The following PCDHA9 variants were observed in gnomAD, a reference collection of about 807,000 sequenced individuals.
The protein encoded by PCDHA9 is protocadherin alpha 9.
In PCDHA9, 62 loss-of-function variants were observed where a neutral mutation model predicts 62.0. The ratio of observed to expected loss-of-function variants is 1.00; its 90% CI spans 0.81 to 1.23. The LOEUF (loss-of-function observed/expected upper bound fraction) is 1.23, where lower values mean the gene tolerates loss of function less well. Ranked by LOEUF, PCDHA9 falls within the 50% of genes most tolerant of loss-of-function variation. PCDHA9 has a pLI of 0.00. For missense variants in PCDHA9, 1,205 were observed against 1,249.8 expected, an observed-to-expected ratio of 0.96 and a Z score of 0.54; for synonymous variants, 557 against 567.6, an observed-to-expected ratio of 0.98 and a Z score of 0.27.
At chr5:140,882,262 G>GTGTA (rs781901698) in intron 1 of PCDHA9, 2 of 1,605,126 alleles carry the variant, frequency 1.2e-6, no homozygotes, top group Non-Finnish European at 1.7e-6. Context: ...GGTTTTTGGA[G>GTGTA]TGTACCATGC....
chr5:140,915,463 T>C (rs2077131577), intron 1 of PCDHA9, among the ~76,000 whole-genome samples: 1 of 152,184 alleles, frequency 6.6e-6, no homozygotes, highest in East Asian at 1.9e-4. Flanking sequence ...AGAAGGTTTT[T>C]ATTTGAAGGA....
At chr5:140,877,766 C>T in intron 1 of PCDHA9, 2 of 1,614,186 alleles carry the variant, frequency 1.2e-6, no homozygotes, top group South Asian at 2.2e-5. Flanking sequence ...GAGAGCCCGC[C>T]CAAGACGGAC....
At chr5:140,851,863 T>C in intron 1 of PCDHA9, 1 of 976,024 alleles carries the variant, frequency 1.0e-6, no homozygotes, top group Non-Finnish European at 1.2e-6. Flanking sequence ...AGCTCATACA[T>C]AACACAAGGC....
chr5:140,854,113 G>A (rs2042980116), intron 1 of PCDHA9: 1 of 316,648 alleles, frequency 3.2e-6, no homozygotes, highest in African/African-American at 2.4e-5. Flanking sequence ...AGTGAACTGT[G>A]ATGGCACAAC....
chr5:140,985,739 CTTTTTTT>C (rs11372071), intron 3 of PCDHA9, among the ~76,000 whole-genome samples: 2 of 117,922 alleles, frequency 1.7e-5, no homozygotes, highest in African/African-American at 6.4e-5. Flanking sequence ...TGATGAATTC[CTTTTTTT>C]TTTTTTTTTT....
At chr5:140,887,376 G>A (rs1169212781) in intron 1 of PCDHA9, among the ~76,000 whole-genome samples, 1 of 152,158 alleles carries the variant, frequency 6.6e-6, no homozygotes, top group Non-Finnish European at 1.5e-5. Context: ...GATTACAGGT[G>A]TGAGCCACCG....
chr5:140,863,307 C>T (rs782595794), intron 1 of PCDHA9: 9 of 1,462,494 alleles, frequency 6.2e-6, no homozygotes, highest in Non-Finnish European at 6.5e-6. Context: ...TCGCCATCTG[C>T]GTGGTGTCCA....
rs2150455604 is a variant in PCDHA9, at chr5:140,849,875, C to T, written c.1380C>T (p.Tyr460=). The T allele has an allele frequency of 6.9e-5, 111 of 1,598,488 alleles. 9 individuals are homozygous for T. The highest frequency in any genetic ancestry group is 8.0e-5 in the Non-Finnish European group (93 of 1,168,004). Residue 460 remains tyrosine (Y), a synonymous_variant, in exon 1 of 4, where the codon TAC becomes TAT. Transcript: ENST00000532602. The part of the protein sequence containing the change: ...DNAPAFAQSE[Y]TVFVKENNPP... ...CACCAGCGTTCGCGCAGTCCGAGTA[C>T]ACGGTGTTCGTGAAGGAGAACAACC...
At chr5:140,966,246 G>A (rs184430396) in intron 1 of PCDHA9, 1 of 319,412 alleles carries the variant, frequency 3.1e-6, no homozygotes, top group East Asian at 5.0e-5. Flanking sequence ...TTAAGCAGGG[G>A]AGAGACGGTG....
chr5:140,870,825 C>A (rs1554164734), intron 1 of PCDHA9: 6 of 1,613,726 alleles, frequency 3.7e-6, no homozygotes, highest in East Asian at 2.2e-5. Flanking sequence ...GCGCGGGAGG[C>A]GCAGTTAACA....
chr5:140,923,110 A>G (rs2081174881), intron 1 of PCDHA9, among the ~76,000 whole-genome samples: 1 of 152,184 alleles, frequency 6.6e-6, no homozygotes, highest in South Asian at 2.1e-4. Flanking sequence ...TATGATTTTA[A>G]GTTTTTAGGG....
chr5:140,858,650 T>G, intron 1 of PCDHA9: 2 of 822,762 alleles, frequency 2.4e-6, no homozygotes, highest in South Asian at 3.9e-5. Context: ...GGTACTTAAA[T>G]TTTTTTAAAT....
intron 1 of PCDHA9, among the ~76,000 whole-genome samples, chr5:140,970,706 A>G (rs1266484266): frequency 6.6e-6 from 1 of 152,224 alleles, no homozygotes; most frequent in Non-Finnish European, 1.5e-5. Context: ...CTACTACACA[A>G]TGTGTGAACA....
chr5:140,870,286 A>C, intron 1 of PCDHA9: 1 of 1,614,124 alleles, frequency 6.2e-7, no homozygotes, highest in Non-Finnish European at 8.5e-7. Context: ...CGTTCCCTTC[A>C]AGCTGGTGTC....
At position 140,851,093 on chromosome 5, in the gene PCDHA9, T is replaced by C. The variant is rs1043292821; in HGVS notation, c.2394+204T>C. On this transcript the variant is annotated intron_variant, in intron 1 of 3. Coordinates refer to ENST00000532602, the MANE Select transcript of PCDHA9 (RefSeq NM_031857.2). Reference sequence around the variant, plus strand: ...AATTATAAACTGTATATTAAATAGATATTTTTTGGGTGCTGAATCAATTTT... The same window carrying C: ...AATTATAAACTGTATATTAAATAGACATTTTTTGGGTGCTGAATCAATTTT... 2 of 1,294,092 alleles carry C rather than the reference T, an allele frequency of 1.5e-6. 1 individual carries two copies. The highest frequency in any genetic ancestry group is 2.0e-6 in the Non-Finnish European group (2 of 996,006). The allele number at this position is 1,294,092 out of a possible 1,614,324, so 80.2% of individuals were successfully genotyped here.
At chr5:140,918,302 G>A (rs1382712359) in intron 1 of PCDHA9, among the ~76,000 whole-genome samples, 1 of 152,048 alleles carries the variant, frequency 6.6e-6, no homozygotes, top group African/African-American at 2.4e-5. Context: ...GAGAATATAG[G>A]GTTTTCTAGG....
chr5:140,984,656 G>A (rs1465387950), intron 3 of PCDHA9, among the ~76,000 whole-genome samples: 2 of 152,082 alleles, frequency 1.3e-5, no homozygotes, highest in Non-Finnish European at 2.9e-5. Context: ...TGTCCTTCTG[G>A]TACTTTTAGG....
rs1562450529 is a variant in PCDHA9, at chr5:140,848,894, C to G, written c.399C>G (p.Phe133Leu). ...ACATTAACGACAACCCTCCAGTGTT[C>G]CCAGCGACACAAAAGAATCTGTTCA... ...VKDINDNPPV[F>L]PATQKNLFIA... The change falls in exon 1 of 4, where the codon TTC becomes TTG. Residue 133 changes from phenylalanine (F) to leucine (L), a missense_variant. Coordinates refer to ENST00000532602, the MANE Select transcript of PCDHA9 (RefSeq NM_031857.2). 1.9e-6 allele frequency: 3 copies of G among 1,604,178 alleles called. No individual in the cohort carries two copies. Among genetic ancestry groups the G allele is most frequent in the Non-Finnish European group, 2.6e-6 (3 of 1,174,040 alleles).
chr5:140,988,201 A>C (rs2097286908), intron 3 of PCDHA9, among the ~76,000 whole-genome samples: 1 of 152,064 alleles, frequency 6.6e-6, no homozygotes, highest in Non-Finnish European at 1.5e-5. Context: ...GCATATCCTT[A>C]TTAGGAAAAA....
Sources: allele counts gnomAD v4.1 joint callset (sites outside exome capture counted in the v4.1 genomes callset), GRCh38; gene constraint gnomAD v4.1.1; transcripts MANE v1.5; gene names NCBI Gene and HGNC (gene_info 2026-07-23, HGNC 2026-07-21).